Variants in GRID2 observed in about 807,000 individuals in gnomAD.
GRID2 encodes the protein glutamate ionotropic receptor delta type subunit 2, also known as glutamate receptor ionotropic, delta-2.
Under a neutral mutation model 114.8 loss-of-function variants are expected in GRID2, and 33 were observed. That is an observed-to-expected ratio of 0.29 (90% confidence interval 0.22 to 0.38). GRID2 has a LOEUF of 0.38. Among genes scored for constraint, GRID2 ranks in the 10% least tolerant of loss-of-function variants. The pLI is 1.00. For synonymous variants in GRID2, 505 were observed against 449.9 expected, an observed-to-expected ratio of 1.12 and a Z score of -1.55; for missense variants, 1,184 against 1,257.7, an observed-to-expected ratio of 0.94 and a Z score of 0.89.
intron 1 of GRID2, among the ~76,000 whole-genome samples, chr4:92,391,719 AT>A (rs1376911462): frequency 6.6e-6 from 1 of 152,274 alleles, no homozygotes; most frequent in East Asian, 1.9e-4. Context: ...CTCTCTACTC[AT>A]TTTGATCTTC....
intron 13 of GRID2, among the ~76,000 whole-genome samples, chr4:93,599,011 A>G (rs1412529720): frequency 1.3e-5 from 2 of 152,230 alleles, no homozygotes; most frequent in East Asian, 1.9e-4. Context: ...GTAATTACAT[A>G]TATAATCTAG....
intron 10 of GRID2, among the ~76,000 whole-genome samples, chr4:93,454,127 C>T (rs925525678): frequency 3.9e-4 from 59 of 151,962 alleles, no homozygotes; most frequent in African/African-American, 8.0e-4. Context: ...TTTCATATAG[C>T]GTTATTAAGT....
intron 13 of GRID2, among the ~76,000 whole-genome samples, chr4:93,515,908 C>A (rs550963149): frequency 1.3e-5 from 2 of 152,164 alleles, no homozygotes; most frequent in South Asian, 4.1e-4. Flanking sequence ...ATGTGAAAAT[C>A]TTTATTTACA....
rs557186364 is a variant in GRID2, at chr4:93,520,339, GA to G, written c.2193+4938del. On this transcript the variant is annotated intron_variant, in intron 13 of 15. Transcript: ENST00000282020. ...AAGAAAAACTGGAAGGGTAAGAATG[GA>G]AAAAAAAAAGCAGATCATGAAGAGG... 9.7e-4 allele frequency among the ~76,000 whole-genome samples: 143 copies of G among 147,600 alleles called. 1 individual carries two copies. The highest frequency in any genetic ancestry group is 3.3e-3 in the African/African-American group (134 of 40,360).
chr4:93,307,485 AT>A (rs568037648), intron 8 of GRID2, among the ~76,000 whole-genome samples: 31 of 151,776 alleles, frequency 2.0e-4, no homozygotes, highest in African/African-American at 7.2e-4. Flanking sequence ...TTATTTTTAA[AT>A]TTTTTTTAGT....
intron 8 of GRID2, among the ~76,000 whole-genome samples, chr4:93,248,207 T>C (rs1417584461): frequency 6.6e-6 from 1 of 152,200 alleles, no homozygotes; most frequent in East Asian, 1.9e-4. Flanking sequence ...TGGTAACTAA[T>C]GTTCAGGACC....
intron 2 of GRID2, among the ~76,000 whole-genome samples, chr4:92,947,549 T>G (rs1751728135): frequency 6.6e-6 from 1 of 151,958 alleles, no homozygotes; most frequent in African/African-American, 2.4e-5. Flanking sequence ...TTTATATTTT[T>G]TTTTCAAAAA....
intron 5 of GRID2, among the ~76,000 whole-genome samples, chr4:93,208,486 G>A (rs143997805): frequency 2.0e-5 from 3 of 152,062 alleles, no homozygotes; most frequent in Non-Finnish European, 2.9e-5. Context: ...ATCATATCAC[G>A]TTAAAATTCA....
intron 1 of GRID2, among the ~76,000 whole-genome samples, chr4:92,557,870 C>G (rs1211878040): frequency 4.6e-5 from 7 of 152,066 alleles, no homozygotes; most frequent in Non-Finnish European, 8.8e-5. Flanking sequence ...CGCATGCTTA[C>G]TACACTTTAA....
chr4:93,631,902 G>A (rs895441552), intron 14 of GRID2, among the ~76,000 whole-genome samples: 2 of 152,072 alleles, frequency 1.3e-5, no homozygotes, highest in African/African-American at 4.8e-5. Flanking sequence ...TTTAATGATG[G>A]CCATTCTAAC....
chr4:92,441,304 T>C (rs1051140655), intron 1 of GRID2, among the ~76,000 whole-genome samples: 13 of 152,090 alleles, frequency 8.5e-5, no homozygotes, highest in East Asian at 3.9e-4. Flanking sequence ...TTGGGCTTGA[T>C]TGAAGTAATG....
intron 1 of GRID2, among the ~76,000 whole-genome samples, chr4:92,560,734 G>A (rs953754933): frequency 3.3e-5 from 5 of 151,776 alleles, no homozygotes; most frequent in Admixed American, 6.6e-5. Context: ...GAGACAGAGT[G>A]CCACTCTTGA....
At chr4:92,674,360 C>T (rs1188976595) in intron 2 of GRID2, among the ~76,000 whole-genome samples, 1 of 151,824 alleles carries the variant, frequency 6.6e-6, no homozygotes. Context: ...ATAGATTGGT[C>T]TGTCTTCAAG....
chr4:93,111,427 A>G (rs3913624), intron 4 of GRID2, among the ~76,000 whole-genome samples: 70,914 of 151,982 alleles, frequency 0.47, 17,026 homozygotes, highest in Admixed American at 0.61. Context: ...AACACAAATA[A>G]TTAAGTGTCT....
intron 1 of GRID2, among the ~76,000 whole-genome samples, chr4:92,494,258 T>C (rs1723283776): frequency 6.6e-6 from 1 of 151,972 alleles, no homozygotes; most frequent in Non-Finnish European, 1.5e-5. Context: ...ATTAGAAATT[T>C]ATAAATTTAA....
Position 92,773,571 on chromosome 4 carries a change from A to C in GRID2, c.244+183285A>C, listed in dbSNP as rs561237879. ...TACCTTCTTTTAAAGTCCAAGATTT[A>C]TATCTAATTTAATATATCACAAATA... is the stretch of plus-strand genomic sequence containing the variant. On this transcript the variant is annotated intron_variant, in intron 2 of 15. Transcript: ENST00000282020. 1.2e-4 allele frequency among the ~76,000 whole-genome samples: 19 copies of C among 152,208 alleles called. No individual in the cohort carries two copies. In the South Asian group the frequency reaches 3.1e-3, roughly 25 times the overall value.
At chr4:92,627,057 A>C (rs1244272276) in intron 2 of GRID2, among the ~76,000 whole-genome samples, 2 of 152,138 alleles carry the variant, frequency 1.3e-5, no homozygotes, top group African/African-American at 4.8e-5. Context: ...AGCTGAAGAG[A>C]ACCATAGTGA....
At chr4:93,742,364 A>T (rs1731495306) in intron 14 of GRID2, among the ~76,000 whole-genome samples, 1 of 152,208 alleles carries the variant, frequency 6.6e-6, no homozygotes, top group Non-Finnish European at 1.5e-5. Context: ...ACTCTCATAG[A>T]GTATTCTGAG....
At chr4:93,618,845 C>A (rs1465273449) in intron 13 of GRID2, among the ~76,000 whole-genome samples, 1 of 152,178 alleles carries the variant, frequency 6.6e-6, no homozygotes, top group African/African-American at 2.4e-5. Flanking sequence ...TTCTGTCTTC[C>A]AGAGCCCAGC....
Sources: gnomAD v4.1 joint callset for allele counts (sites outside exome capture counted in the v4.1 genomes callset) on GRCh38, gnomAD v4.1.1 for gene constraint, MANE v1.5 for transcripts, NCBI Gene and HGNC (gene_info 2026-07-23, HGNC 2026-07-21) for gene names.